The following DOK6 variants were observed in gnomAD, a reference collection of about 807,000 sequenced individuals.
The protein encoded by DOK6 is downstream of tyrosine kinase 6.
Under a neutral mutation model 44.0 loss-of-function variants are expected in DOK6, and 22 were observed. That is an observed-to-expected ratio of 0.50 (90% CI 0.36 to 0.71). The LOEUF (loss-of-function observed/expected upper bound fraction) is 0.71. Ranked by LOEUF, DOK6 falls within the 30% of genes least tolerant of loss-of-function variation. DOK6 has a pLI of 0.00. For missense variants in DOK6, 340 were observed against 416.4 expected, an observed-to-expected ratio of 0.82 and a Z score of 1.60; for synonymous variants, 166 against 145.5, an observed-to-expected ratio of 1.14 and a Z score of -1.01.
intron 6 of DOK6, among the ~76,000 whole-genome samples, chr18:69,753,824 CTT>C (rs11400448): frequency 1.3e-5 from 2 of 149,914 alleles, no homozygotes; most frequent in Non-Finnish European, 3.0e-5. Flanking sequence ...CTGTTTGAGA[CTT>C]TTTTTTTTAC....
intron 3 of DOK6, among the ~76,000 whole-genome samples, chr18:69,642,469 A>C (rs8090514): frequency 0.07 from 10,607 of 152,284 alleles, 425 homozygotes; most frequent in Admixed American, 0.1. Context: ...CCTAGGCAAC[A>C]TAATATAATG....
At chr18:69,708,996 G>A (rs1481152500) in intron 5 of DOK6, among the ~76,000 whole-genome samples, 1 of 152,098 alleles carries the variant, frequency 6.6e-6, no homozygotes, top group African/African-American at 2.4e-5. Flanking sequence ...TTTGTAGCTT[G>A]AGCTGCAGGA....
intron 1 of DOK6, among the ~76,000 whole-genome samples, chr18:69,523,854 T>C (rs567777188): frequency 8.3e-4 from 126 of 152,106 alleles, no homozygotes; most frequent in African/African-American, 2.8e-3. Context: ...GTTACAACGA[T>C]TTGAACGACA....
chr18:69,541,331 T>C (rs1982263418), intron 1 of DOK6, among the ~76,000 whole-genome samples: 1 of 151,512 alleles, frequency 6.6e-6, no homozygotes, highest in Non-Finnish European at 1.5e-5. Flanking sequence ...TGATGCCTTA[T>C]TCATAATGGC....
chr18:69,477,529 C>T (rs188997825), intron 1 of DOK6, among the ~76,000 whole-genome samples: 52 of 152,206 alleles, frequency 3.4e-4, no homozygotes, highest in African/African-American at 1.3e-3. Context: ...TTCTATACCC[C>T]CCAAAAATAT....
chr18:69,499,225 G>GTA lies in DOK6; in HGVS notation c.67-65250_67-65249dup, dbSNP rs993789221. 3.1e-4 allele frequency among the ~76,000 whole-genome samples: 47 copies of GTA among 150,718 alleles called. 1 individual carries two copies. Among genetic ancestry groups the GTA allele is most frequent in the East Asian group, 2.5e-3 (13 of 5,160 alleles). ...TATATATACATATATATGTGTGTAT[G>GTA]TATATATATATATGAGATAATGAAT... On this transcript the variant is annotated intron_variant, in intron 1 of 7. Coordinates refer to ENST00000382713, the MANE Select transcript of DOK6 (RefSeq NM_152721.6).
chr18:69,629,382 A>G (rs1271157567), intron 3 of DOK6, among the ~76,000 whole-genome samples: 2 of 152,180 alleles, frequency 1.3e-5, no homozygotes, highest in African/African-American at 4.8e-5. Context: ...CTCAATGGCC[A>G]TGAATTATGC....
At chr18:69,650,659 C>G (rs1259298172) in intron 3 of DOK6, among the ~76,000 whole-genome samples, 1 of 152,108 alleles carries the variant, frequency 6.6e-6, no homozygotes, top group Non-Finnish European at 1.5e-5. Context: ...TTCAGTTATG[C>G]CAGAAGAATA....
At chr18:69,537,222 C>G (rs1982148996) in intron 1 of DOK6, among the ~76,000 whole-genome samples, 1 of 152,062 alleles carries the variant, frequency 6.6e-6, no homozygotes, top group Admixed American at 6.6e-5. Context: ...GACTTTTGAA[C>G]CTTGAGCTCA....
At chr18:69,405,809 T>C (rs1282514600) in intron 1 of DOK6, among the ~76,000 whole-genome samples, 1 of 152,190 alleles carries the variant, frequency 6.6e-6, no homozygotes, top group African/African-American at 2.4e-5. Context: ...TATAAATAAC[T>C]TAGTCATTCT....
At chr18:69,674,513 A>T (rs1985876727) in intron 3 of DOK6, among the ~76,000 whole-genome samples, 1 of 151,820 alleles carries the variant, frequency 6.6e-6, no homozygotes, top group Non-Finnish European at 1.5e-5. Flanking sequence ...CTCCTCCCAG[A>T]CTCCTCCAAC....
intron 3 of DOK6, among the ~76,000 whole-genome samples, chr18:69,650,267 G>A (rs912423074): frequency 6.6e-6 from 1 of 152,168 alleles, no homozygotes; most frequent in Admixed American, 6.5e-5. Context: ...TGCTCTGTGG[G>A]TTGAAGACTT....
chr18:69,728,118 A>G lies in DOK6; in HGVS notation c.600-10847A>G, dbSNP rs996104241. Among the ~76,000 whole-genome samples the G allele has an allele frequency of 4.6e-5, 7 of 152,210 alleles. No homozygotes were observed. The East Asian group carries it at 1.4e-3, about 29-fold the overall frequency. On this transcript the variant is annotated intron_variant, in intron 5 of 7. Coordinates refer to ENST00000382713, the MANE Select transcript of DOK6 (RefSeq NM_152721.6). ...TCCTGACCAGTTTCCTCGATCCTAG[A>G]TTTCTCACACCCTGCTCTTTGACTC... is the stretch of plus-strand genomic sequence containing the variant.
chr18:69,825,912 T>C (rs1415166917), intron 7 of DOK6, among the ~76,000 whole-genome samples: 1 of 152,108 alleles, frequency 6.6e-6, no homozygotes, highest in African/African-American at 2.4e-5. Context: ...GCATGATGCT[T>C]GCCTTGCACC....
At chr18:69,413,810 G>A (rs952287645) in intron 1 of DOK6, among the ~76,000 whole-genome samples, 1 of 151,730 alleles carries the variant, frequency 6.6e-6, no homozygotes, top group East Asian at 1.9e-4. Context: ...GAAAAGACAA[G>A]CTATTTACTG....
At chr18:69,427,605 G>A (rs1453688043) in intron 1 of DOK6, among the ~76,000 whole-genome samples, 1 of 152,152 alleles carries the variant, frequency 6.6e-6, no homozygotes, top group Non-Finnish European at 1.5e-5. Context: ...CCATTACTGG[G>A]TATATGCCCG....
intron 7 of DOK6, among the ~76,000 whole-genome samples, chr18:69,824,080 A>G (rs551033114): frequency 1.3e-5 from 2 of 151,602 alleles, no homozygotes; most frequent in African/African-American, 2.4e-5. Flanking sequence ...GTTTTAGGGT[A>G]CATGTGCACA....
intron 3 of DOK6, among the ~76,000 whole-genome samples, chr18:69,635,148 G>A (rs749586123): frequency 2.6e-5 from 4 of 152,134 alleles, no homozygotes; most frequent in Non-Finnish European, 4.4e-5. Context: ...GTTGACACCG[G>A]GGCTTAGAAT....
intron 3 of DOK6, among the ~76,000 whole-genome samples, chr18:69,651,480 T>TC (rs1194474946): frequency 5.0e-5 from 7 of 139,468 alleles, no homozygotes; most frequent in African/African-American, 1.9e-4. Context: ...AGCCCCCCGC[T>TC]CCTTTTTTTT....
Sources: allele counts gnomAD v4.1 joint callset (sites outside exome capture counted in the v4.1 genomes callset), GRCh38; gene constraint gnomAD v4.1.1; transcripts MANE v1.5; gene names NCBI Gene and HGNC (gene_info 2026-07-23, HGNC 2026-07-21).